MEF2C: variants seen among roughly 807,000 people sequenced by gnomAD.
MEF2C encodes the protein myocyte enhancer factor 2C.
MEF2C carries 6 observed loss-of-function variants against 50.5 expected under a neutral mutation model. The observed-to-expected ratio is 0.12, with a 90% confidence interval of 0.07 to 0.23. The LOEUF is 0.23. MEF2C is among the 10% of genes least tolerant of loss of function. The probability of loss-of-function intolerance (pLI) is 1.00; values close to 1 mark genes in which losing one functional copy is unlikely to be tolerated. For missense variants in MEF2C, 276 were observed against 605.0 expected, an observed-to-expected ratio of 0.46 and a Z score of 5.70; for synonymous variants, 183 against 228.0, an observed-to-expected ratio of 0.80 and a Z score of 1.78.
chr5:88,856,319 T>C (rs1357381674), intron 1 of MEF2C, among the ~76,000 whole-genome samples: 1 of 152,146 alleles, frequency 6.6e-6, no homozygotes, highest in Non-Finnish European at 1.5e-5. Flanking sequence ...TTCACAAAAA[T>C]GTGGTTTGAA....
intron 1 of MEF2C, chr5:88,825,384 G>A (rs1810412883): frequency 5.1e-6 from 3 of 583,218 alleles, no homozygotes; most frequent in Non-Finnish European, 6.5e-6. Context: ...TTTGCCTCAC[G>A]CCTCTCTACT....
At chr5:88,882,750 G>A (rs974025571) in intron 1 of MEF2C, among the ~76,000 whole-genome samples, 1 of 152,048 alleles carries the variant, frequency 6.6e-6, no homozygotes, top group African/African-American at 2.4e-5. Context: ...GATGGCAAAC[G>A]GATACGACTA....
intron 2 of MEF2C, among the ~76,000 whole-genome samples, chr5:88,811,844 C>G (rs28413576): frequency 6.6e-6 from 1 of 151,974 alleles, no homozygotes; most frequent in Non-Finnish European, 1.5e-5. Context: ...TGGGGCAGTA[C>G]AATGTAGAAA....
intron 6 of MEF2C, chr5:88,737,072 G>C: frequency 4.1e-6 from 4 of 984,780 alleles, no homozygotes; most frequent in Non-Finnish European, 4.8e-6. Flanking sequence ...TAGATATATA[G>C]AATATGCTAG....
In MEF2C at chr5:88,731,681, A is replaced by T. The variant is rs1761720767; in HGVS notation, c.810+48T>A. The stretch of plus-strand genomic sequence containing the variant: ...TAGACAAATATAAAAACAGCAAAAC[A>T]TATACAAAACATTATCAATATTTAT... On this transcript the variant is annotated intron_variant, in intron 7 of 10. Transcript: ENST00000504921. The T allele has an allele frequency of 2.0e-6, 3 of 1,531,642 alleles. No homozygotes were observed. The East Asian group carries it at 7.0e-5, about 36-fold the overall frequency. The allele number at this position is 1,531,642 out of a possible 1,614,324, so 94.9% of individuals were successfully genotyped here.
At chr5:88,851,272 T>C (rs1821257860) in intron 1 of MEF2C, among the ~76,000 whole-genome samples, 3 of 149,472 alleles carry the variant, frequency 2.0e-5, no homozygotes, top group Non-Finnish European at 4.4e-5. Context: ...ATATAATACA[T>C]ATAACACACA....
rs869224140 is a variant in MEF2C at position 88,805,823 on chromosome 5, CTTTTTTTTTTTTT to C, written c.55-1035_55-1023del. Among the ~76,000 whole-genome samples, 12 of 61,590 alleles carry C rather than the reference CTTTTTTTTTTTTT, an allele frequency of 1.9e-4. 1 individual carries two copies. The highest frequency in any genetic ancestry group is 6.5e-4 in the Admixed American group (3 of 4,592). The allele number at this position is 61,590 out of a possible 152,430, so 40.4% of individuals were successfully genotyped here. A position where few individuals can be genotyped will look rare whatever the true frequency, so the allele number is the denominator to read the frequency against. On this transcript the variant is annotated intron_variant, in intron 2 of 10. Coordinates refer to ENST00000504921, the MANE Select transcript of MEF2C (RefSeq NM_002397.5). ...TGGCTACTGAAAAGGCGTGAACATT[CTTTTTTTTTTTTT>C]TTTTTTTTTTTTTTGGAGACGGAGT...
intron 2 of MEF2C, among the ~76,000 whole-genome samples, chr5:88,811,372 C>T (rs779270816): frequency 6.6e-6 from 1 of 152,120 alleles, no homozygotes; most frequent in Non-Finnish European, 1.5e-5. Context: ...GTGATGAGAA[C>T]TTCCCACCAA....
chr5:88,764,479 T>C (rs1009511026), intron 3 of MEF2C, among the ~76,000 whole-genome samples: 7 of 152,124 alleles, frequency 4.6e-5, no homozygotes, highest in Non-Finnish European at 1.0e-4. Context: ...CTCACTCATA[T>C]GTAACTATAG....
chr5:88,896,048 CACTTCA>C (rs986534609), intron 1 of MEF2C, among the ~76,000 whole-genome samples: 17 of 152,306 alleles, frequency 1.1e-4, no homozygotes, highest in African/African-American at 4.1e-4. Context: ...CACCAGCAGC[CACTTCA>C]TTTGTCCACA....
intron 6 of MEF2C, chr5:88,741,333 A>C (rs1247558963): frequency 3.0e-6 from 3 of 983,760 alleles, no homozygotes; most frequent in Non-Finnish European, 3.6e-6. Flanking sequence ...GACCCCTTGC[A>C]TCAGTTATCT....
intron 1 of MEF2C, among the ~76,000 whole-genome samples, chr5:88,855,760 G>T (rs917061094): frequency 6.6e-6 from 1 of 152,184 alleles, no homozygotes; most frequent in Admixed American, 6.5e-5. Flanking sequence ...TGCCATGATT[G>T]TAAGTTTCCT....
At chr5:88,847,960 T>TA (rs1188919907) in intron 1 of MEF2C, among the ~76,000 whole-genome samples, 1 of 152,172 alleles carries the variant, frequency 6.6e-6, no homozygotes, top group African/African-American at 2.4e-5. Flanking sequence ...TTACAAAAGT[T>TA]AGAGTCAAAT....
At chr5:88,768,160 T>G (rs1780834002) in intron 3 of MEF2C, among the ~76,000 whole-genome samples, 1 of 152,242 alleles carries the variant, frequency 6.6e-6, no homozygotes, top group African/African-American at 2.4e-5. Flanking sequence ...CACTATAGTC[T>G]TAATCATACA....
intron 3 of MEF2C, among the ~76,000 whole-genome samples, chr5:88,789,760 C>T (rs1182530986): frequency 6.6e-6 from 1 of 152,052 alleles, no homozygotes; most frequent in Non-Finnish European, 1.5e-5. Flanking sequence ...ACACTAAACA[C>T]CATTGAGACA....
intron 6 of MEF2C, chr5:88,739,326 G>C: frequency 1.0e-6 from 1 of 983,958 alleles, no homozygotes; most frequent in Non-Finnish European, 1.2e-6. Context: ...TCAACAAAAT[G>C]TTTTACTCAC....
chr5:88,858,884 A>T (rs1824463644), intron 1 of MEF2C, among the ~76,000 whole-genome samples: 1 of 152,230 alleles, frequency 6.6e-6, no homozygotes, highest in Admixed American at 6.5e-5. Context: ...TCATGTTCAA[A>T]GTTCTCCCCA....
At chr5:88,862,371 G>A (rs1189944176) in intron 1 of MEF2C, among the ~76,000 whole-genome samples, 1 of 152,166 alleles carries the variant, frequency 6.6e-6, no homozygotes, top group Non-Finnish European at 1.5e-5. Context: ...GGAGGGACAA[G>A]CTTAGTTTCT....
intron 5 of MEF2C, chr5:88,750,114 A>G (rs747361354): frequency 6.1e-5 from 52 of 855,676 alleles, no homozygotes; most frequent in Admixed American, 3.7e-4. Context: ...AGATTTTCTA[A>G]TTGCCTCTAA....
Sources: allele counts gnomAD v4.1 joint callset (sites outside exome capture counted in the v4.1 genomes callset), GRCh38; gene constraint gnomAD v4.1.1; transcripts MANE v1.5; gene names NCBI Gene and HGNC (gene_info 2026-07-23, HGNC 2026-07-21).